Variants in GREM1 observed in about 807,000 individuals in gnomAD.
GREM1 encodes the protein gremlin 1, DAN family BMP antagonist.
A neutral mutation model predicts 13.1 loss-of-function variants in GREM1; 6 were observed. The ratio of observed to expected loss-of-function variants is 0.46; its 90% CI spans 0.25 to 0.91. The LOEUF is 0.91. Ranked by LOEUF, GREM1 falls within the 40% of genes least tolerant of loss-of-function variation. GREM1 has a pLI of 0.18. For missense variants in GREM1, 185 were observed against 233.9 expected, an observed-to-expected ratio of 0.79 and a Z score of 1.36; for synonymous variants, 98 against 93.7, an observed-to-expected ratio of 1.05 and a Z score of -0.27.
intron 1 of GREM1, among the ~76,000 whole-genome samples, chr15:32,720,912 T>G (rs2055395244): frequency 6.6e-6 from 1 of 152,136 alleles, no homozygotes; most frequent in Non-Finnish European, 1.5e-5. Context: ...ATCCCAGCAC[T>G]TTGGGAGGCC....
chr15:32,732,919 AT>A lies in GREM1; in HGVS notation c.*1675del. 1 of 220,646 alleles carries A rather than the reference AT, an allele frequency of 4.5e-6. No homozygotes were observed. Among genetic ancestry groups the A allele is most frequent in the East Asian group, 7.4e-5 (1 of 13,472 alleles). The allele number at this position is 220,646 out of a possible 1,614,324, so 13.7% of individuals were successfully genotyped here. ...GCCTCCTAGCCAAGTCCTATGTAAT[AT>A]GGAAAACAAACACTGCAGACTTGAG... On this transcript the variant is annotated 3_prime_UTR_variant, in exon 2 of 2. Transcript: ENST00000651154.
At chr15:32,725,336 C>T (rs547267996) in intron 1 of GREM1, among the ~76,000 whole-genome samples, 6 of 152,228 alleles carry the variant, frequency 3.9e-5, no homozygotes, top group South Asian at 2.1e-4. Context: ...TTCTAACTGG[C>T]GTGAAATGGT....
In GREM1 at chr15:32,740,005, C is replaced by T. The variant is rs1340679605; in HGVS notation, c.*8760C>T. The T allele has an allele frequency of 6.6e-6, 1 of 152,228 alleles. No homozygotes were observed. The highest frequency in any genetic ancestry group is 1.5e-5 in the Non-Finnish European group (1 of 68,084). 9.4% of individuals were successfully genotyped at this position (152,228 alleles called of 1,614,324 possible). A position where few individuals can be genotyped will look rare whatever the true frequency, so the allele number is the denominator to read the frequency against. ...ACCAGTAGATGACATGGCACCCTGC[C>T]CTCTACTGCCTCACCTCCTGGCTCA... On this transcript the variant is annotated 3_prime_UTR_variant, in exon 2 of 2. Transcript: ENST00000651154.
chr15:32,720,744 C>A (rs1020367309), intron 1 of GREM1, among the ~76,000 whole-genome samples: 8 of 152,210 alleles, frequency 5.3e-5, no homozygotes, highest in African/African-American at 1.9e-4. Context: ...ATTTATAGCA[C>A]TCTTCAAATT....
In GREM1 at chr15:32,738,083, C is replaced by CAAAAAAAAAAAAAAAAAAAAAAAAAAAAA. The variant is rs67118209; in HGVS notation, c.*6860_*6888dup. On this transcript the variant is annotated 3_prime_UTR_variant, in exon 2 of 2. Transcript: ENST00000651154. ...GGAGGTTCTACCTAGGGTAATTAGG[C>CAAAAAAAAAAAAAAAAAAAAAAAAAAAAA]AAAAAAAAAAAAAAAAAAAAAAAAA... 2.1e-4 allele frequency: 4 copies of CAAAAAAAAAAAAAAAAAAAAAAAAAAAAA among 18,926 alleles called. No individual in the cohort carries two copies. Among genetic ancestry groups the CAAAAAAAAAAAAAAAAAAAAAAAAAAAAA allele is most frequent in the Non-Finnish European group, 3.4e-4 (4 of 11,648 alleles). 1.2% of individuals were successfully genotyped at this position (18,926 alleles called of 1,614,324 possible).
At chr15:32,725,949 A>G (rs1339495467) in intron 1 of GREM1, among the ~76,000 whole-genome samples, 1 of 151,972 alleles carries the variant, frequency 6.6e-6, no homozygotes, top group African/African-American at 2.4e-5. Flanking sequence ...ACGGTTGTAG[A>G]TGTGTGGTGT....
Position 32,735,053 on chromosome 15 carries a change from G to A in GREM1, c.*3808G>A, listed in dbSNP as rs7169658. 151,730 of 152,360 alleles carry A rather than the reference G, an allele frequency of 1. 75,553 individuals carry two copies. The highest frequency in any genetic ancestry group is 1 in the Non-Finnish European group (68,062 of 68,072). 9.4% of individuals were successfully genotyped at this position (152,360 alleles called of 1,614,324 possible). On this transcript the variant is annotated 3_prime_UTR_variant, in exon 2 of 2. Coordinates refer to ENST00000651154, the MANE Select transcript of GREM1 (RefSeq NM_013372.7). ...CAGTAGAAGGAAAAGCTTCCTAGTG[G>A]TAAGAGTGATTGGCAATACCATGAG...
At position 32,744,114 on chromosome 15, in the gene GREM1, T is replaced by C. The variant is rs187219029; in HGVS notation, c.*12869T>C. The C allele has an allele frequency of 1.6e-4, 24 of 152,336 alleles. No homozygotes were observed. The East Asian group carries it at 3.9e-3, about 24-fold the overall frequency. 9.4% of individuals were successfully genotyped at this position (152,336 alleles called of 1,614,324 possible). A position where few individuals can be genotyped will look rare whatever the true frequency, so the allele number is the denominator to read the frequency against. The stretch of plus-strand genomic sequence containing the variant: ...ACATCTAAGATGAGGGTATTTGGGC[T>C]TCACCTCTTGAATGGAGAAGCACCC... On this transcript the variant is annotated 3_prime_UTR_variant, in exon 2 of 2. Coordinates refer to ENST00000651154, the MANE Select transcript of GREM1 (RefSeq NM_013372.7).
intron 1 of GREM1, among the ~76,000 whole-genome samples, chr15:32,725,466 C>T (rs2055485885): frequency 6.6e-6 from 1 of 152,236 alleles, no homozygotes; most frequent in Admixed American, 6.5e-5. Flanking sequence ...ATCCTTTGCC[C>T]ACTTTTTGAT....
At chr15:32,720,273 G>A (rs1232002998) in intron 1 of GREM1, among the ~76,000 whole-genome samples, 1 of 152,158 alleles carries the variant, frequency 6.6e-6, no homozygotes, top group African/African-American at 2.4e-5. Context: ...AGTTACACAG[G>A]GAAGGATAAA....
rs1291892121 is a variant in GREM1 at position 32,737,598 on chromosome 15, G to A, written c.*6353G>A. 1 of 152,052 alleles carries A rather than the reference G, an allele frequency of 6.6e-6. No individual in the cohort carries two copies. Among genetic ancestry groups the A allele is most frequent in the African/African-American group, 2.4e-5 (1 of 41,376 alleles). 9.4% of individuals were successfully genotyped at this position (152,052 alleles called of 1,614,324 possible). A position where few individuals can be genotyped will look rare whatever the true frequency, so the allele number is the denominator to read the frequency against. On this transcript the variant is annotated 3_prime_UTR_variant, in exon 2 of 2. Transcript: ENST00000651154. ...TCACTCAACACACTAGGAAGAGAAGGGAACTTCTTCAACCTCACACATGGC... is the reference window on the plus strand; with the variant it reads ...TCACTCAACACACTAGGAAGAGAAGAGAACTTCTTCAACCTCACACATGGC...
rs912433971 is a variant in GREM1, at chr15:32,735,922, G to A, written c.*4677G>A. 3 of 152,178 alleles carry A rather than the reference G, an allele frequency of 2.0e-5. No homozygotes were observed. The highest frequency in any genetic ancestry group is 1.3e-4 in the Admixed American group (2 of 15,274). The allele number at this position is 152,178 out of a possible 1,614,324, so 9.4% of individuals were successfully genotyped here. A position where few individuals can be genotyped will look rare whatever the true frequency, so the allele number is the denominator to read the frequency against. ...ATAGCTCTGGAAATTAACTGAAGATGTATAGCAATTTGCAGAGCATTTATT... is the reference window on the plus strand; with the variant it reads ...ATAGCTCTGGAAATTAACTGAAGATATATAGCAATTTGCAGAGCATTTATT... On this transcript the variant is annotated 3_prime_UTR_variant, in exon 2 of 2. Transcript: ENST00000651154.
chr15:32,718,773 C>G (rs1200668913), intron 1 of GREM1: 1 of 292,200 alleles, frequency 3.4e-6, no homozygotes, highest in Non-Finnish European at 6.9e-6. Flanking sequence ...GTGGGTAATC[C>G]GACAGCTGCG....
Position 32,737,386 on chromosome 15 carries a change from C to T in GREM1, c.*6141C>T, listed in dbSNP as rs1002121931. On this transcript the variant is annotated 3_prime_UTR_variant, in exon 2 of 2. Coordinates refer to ENST00000651154, the MANE Select transcript of GREM1 (RefSeq NM_013372.7). ...AAAAATTCAACAAAATGCTAGATAA[C>T]TGGGTCCAACAACATATGGAAAGGA... 1.3e-5 allele frequency: 2 copies of T among 152,160 alleles called. No individual in the cohort carries two copies. The highest frequency in any genetic ancestry group is 4.8e-5 in the African/African-American group (2 of 41,432). 9.4% of individuals were successfully genotyped at this position (152,160 alleles called of 1,614,324 possible). A position where few individuals can be genotyped will look rare whatever the true frequency, so the allele number is the denominator to read the frequency against.
intron 1 of GREM1, among the ~76,000 whole-genome samples, chr15:32,723,271 A>G (rs1037658943): frequency 4.6e-5 from 7 of 152,164 alleles, no homozygotes. Context: ...GCACATCACT[A>G]CTATTTCCTT....
intron 1 of GREM1, among the ~76,000 whole-genome samples, chr15:32,727,895 A>G (rs2055542476): frequency 6.6e-6 from 1 of 152,222 alleles, no homozygotes; most frequent in Non-Finnish European, 1.5e-5. Context: ...CAAGTGCTAC[A>G]AAGAATAAAA....
Position 32,734,665 on chromosome 15 carries a change from C to CTG in GREM1, c.*3429_*3430dup. On this transcript the variant is annotated 3_prime_UTR_variant, in exon 2 of 2. Transcript: ENST00000651154. ...AACTAATAAATTAAACCTATTCTTTCTGTGTGTGTGAGCGTGCGTTTGTGT... is the reference window on the plus strand; with the variant it reads ...AACTAATAAATTAAACCTATTCTTTCTGTGTGTGTGTGAGCGTGCGTTTGTGT... The CTG allele has an allele frequency of 4.2e-6, 1 of 237,404 alleles. No individual in the cohort carries two copies. The highest frequency in any genetic ancestry group is 6.3e-5 in the East Asian group (1 of 15,776). The allele number at this position is 237,404 out of a possible 1,614,324, so 14.7% of individuals were successfully genotyped here. A position where few individuals can be genotyped will look rare whatever the true frequency, so the allele number is the denominator to read the frequency against.
intron 1 of GREM1, among the ~76,000 whole-genome samples, chr15:32,728,646 T>C (rs1414685509): frequency 6.6e-6 from 1 of 152,170 alleles, no homozygotes; most frequent in East Asian, 1.9e-4. Flanking sequence ...CCAGTTTTGG[T>C]GGGAGAAATA....
chr15:32,718,608 C>A (rs2055344140), intron 1 of GREM1: 1 of 383,064 alleles, frequency 2.6e-6, no homozygotes. Flanking sequence ...CTTGGGGCGC[C>A]GCGCTGGGTC....
Sources: gnomAD v4.1 joint callset for allele counts (sites outside exome capture counted in the v4.1 genomes callset) on GRCh38, gnomAD v4.1.1 for gene constraint, MANE v1.5 for transcripts, NCBI Gene and HGNC (gene_info 2026-07-23, HGNC 2026-07-21) for gene names.